The following PPP1R12A variants were observed in gnomAD, a reference collection of about 807,000 sequenced individuals.
PPP1R12A encodes myosin binding subunit.
Under a neutral mutation model 139.6 loss-of-function variants are expected in PPP1R12A, and 19 were observed. The observed-to-expected ratio is 0.14, with a 90% CI of 0.09 to 0.20. The LOEUF (loss-of-function observed/expected upper bound fraction) is 0.20, where lower values mean the gene tolerates loss of function less well. PPP1R12A is among the 10% of genes least tolerant of loss of function. PPP1R12A has a pLI of 1.00. For synonymous variants in PPP1R12A, 427 were observed against 420.6 expected (o/e 1.02, Z -0.19); for missense variants, 925 against 1,211.5 (o/e 0.76, Z 3.51).
At chr12:79,887,458 G>A (rs1321332433) in intron 1 of PPP1R12A, among the ~76,000 whole-genome samples, 1 of 151,984 alleles carries the variant, frequency 6.6e-6, no homozygotes, top group Non-Finnish European at 1.5e-5. Flanking sequence ...AGATAAGCAA[G>A]TAAGTAGAAA....
chr12:79,907,791 G>A (rs928911147), intron 1 of PPP1R12A, among the ~76,000 whole-genome samples: 2 of 152,046 alleles, frequency 1.3e-5, no homozygotes, highest in African/African-American at 4.8e-5. Context: ...CCAGCTACTC[G>A]GGAGGCTGAG....
intron 1 of PPP1R12A, among the ~76,000 whole-genome samples, chr12:79,931,540 G>C (rs1030153049): frequency 8.5e-5 from 13 of 152,124 alleles, no homozygotes; most frequent in Non-Finnish European, 1.3e-4. Flanking sequence ...ATGCACACCA[G>C]TATCAGTAAG....
intron 19 of PPP1R12A, among the ~76,000 whole-genome samples, chr12:79,791,535 C>T (rs2137008886): frequency 6.6e-6 from 1 of 152,174 alleles, no homozygotes; most frequent in African/African-American, 2.4e-5. Context: ...CCTATGTTGC[C>T]CAGGTTGGTC....
At chr12:79,844,746 C>T (rs893702986) in intron 3 of PPP1R12A, among the ~76,000 whole-genome samples, 3 of 152,198 alleles carry the variant, frequency 2.0e-5, no homozygotes, top group African/African-American at 7.2e-5. Context: ...CAATGGCTCA[C>T]AAGGCCTTAA....
chr12:79,925,244 T>C (rs1310859472), intron 1 of PPP1R12A, among the ~76,000 whole-genome samples: 2 of 151,974 alleles, frequency 1.3e-5, no homozygotes, highest in African/African-American at 4.8e-5. Context: ...CAAGTAAAGG[T>C]TGAGTGCATA....
chr12:79,842,575 T>TTGTGTGTGTGTG (rs148792533), intron 3 of PPP1R12A, among the ~76,000 whole-genome samples: 283 of 143,924 alleles, frequency 2.0e-3, no homozygotes, highest in African/African-American at 3.2e-3. Context: ...ATGTGGCACT[T>TTGTGTGTGTGTG]TGTGTGTGTG....
intron 3 of PPP1R12A, among the ~76,000 whole-genome samples, chr12:79,840,356 C>T (rs1019152971): frequency 1.3e-5 from 2 of 152,178 alleles, no homozygotes; most frequent in Non-Finnish European, 2.9e-5. Context: ...CTTAGCTTTT[C>T]GTCTCCAGGG....
In PPP1R12A at chr12:79,845,923, G is replaced by GTA. The variant is rs1355552051; in HGVS notation, c.369-504_369-503insTA. 3.9e-3 allele frequency among the ~76,000 whole-genome samples: 595 copies of GTA among 151,916 alleles called. 1 individual carries two copies. The highest frequency in any genetic ancestry group is 6.3e-3 in the Non-Finnish European group (425 of 67,898). On this transcript the variant is annotated intron_variant, in intron 2 of 24. Coordinates refer to ENST00000450142, the MANE Select transcript of PPP1R12A (RefSeq NM_002480.3). ...GTTAATTTTTAATAATAATTAGAAA[G>GTA]TCTCATAGGATCCACCTCCACTGAG...
chr12:79,799,727 G>A (rs112391921), intron 14 of PPP1R12A, among the ~76,000 whole-genome samples: 1 of 152,078 alleles, frequency 6.6e-6, no homozygotes, highest in Non-Finnish European at 1.5e-5. Context: ...AAGTTAAGTA[G>A]GGCTGGGTGT....
chr12:79,871,640 T>C (rs1421305405), intron 2 of PPP1R12A, among the ~76,000 whole-genome samples: 1 of 152,148 alleles, frequency 6.6e-6, no homozygotes, highest in Admixed American at 6.5e-5. Flanking sequence ...TCCATATCAA[T>C]TAACTCCAGA....
intron 1 of PPP1R12A, among the ~76,000 whole-genome samples, chr12:79,894,127 C>T (rs1011797665): frequency 2.0e-5 from 3 of 152,162 alleles, no homozygotes; most frequent in Non-Finnish European, 2.9e-5. Flanking sequence ...AGTGACATAA[C>T]ATAATGAGAC....
At chr12:79,792,285 T>C (rs7961195) in intron 19 of PPP1R12A, among the ~76,000 whole-genome samples, 13,578 of 152,218 alleles carry the variant, frequency 0.089, 1,559 homozygotes, top group African/African-American at 0.27. Context: ...ATGGCCCATG[T>C]TGGTAGCAAA....
At position 79,844,031 on chromosome 12, in the gene PPP1R12A, T is replaced by C. The variant is rs1436684995; in HGVS notation, c.487+1271A>G. On this transcript the variant is annotated intron_variant, in intron 3 of 24. Transcript: ENST00000450142. The stretch of plus-strand genomic sequence containing the variant: ...ATCATATTTTATATATACATACATA[T>C]ATATACACACACACAGCTTTATTAA... Among the ~76,000 whole-genome samples, 3 of 152,122 alleles carry C rather than the reference T, an allele frequency of 2.0e-5. No individual in the cohort carries two copies. The East Asian group carries it at 5.8e-4, about 29-fold the overall frequency.
At chr12:79,796,755 A>G (rs1270023919) in intron 17 of PPP1R12A, 27 bp downstream of exon 17, 2 of 1,541,986 alleles carry the variant, frequency 1.3e-6, no homozygotes, top group Admixed American at 1.8e-5. Context: ...AAGAAAGCAA[A>G]GTGTTTTCAA....
At chr12:79,829,225 G>A (rs1294935667) in intron 4 of PPP1R12A, among the ~76,000 whole-genome samples, 1 of 152,066 alleles carries the variant, frequency 6.6e-6, no homozygotes, top group Non-Finnish European at 1.5e-5. Flanking sequence ...TCTATAAACT[G>A]CACATAGCAT....
At chr12:79,910,334 G>T (rs1351782690) in intron 1 of PPP1R12A, among the ~76,000 whole-genome samples, 1 of 151,876 alleles carries the variant, frequency 6.6e-6, no homozygotes, top group Non-Finnish European at 1.5e-5. Flanking sequence ...ACAAAAATTA[G>T]CGGGGCTTGG....
chr12:79,918,929 A>G (rs1283234686), intron 1 of PPP1R12A, among the ~76,000 whole-genome samples: 3 of 152,102 alleles, frequency 2.0e-5, no homozygotes. Context: ...CAGCCTGGCC[A>G]ACACGGCGAA....
chr12:79,867,835 T>TC (rs890608538), intron 2 of PPP1R12A, among the ~76,000 whole-genome samples: 1 of 152,016 alleles, frequency 6.6e-6, no homozygotes, highest in Non-Finnish European at 1.5e-5. Context: ...TAAAGGGCTT[T>TC]CCCCCCTTTG....
intron 1 of PPP1R12A, among the ~76,000 whole-genome samples, chr12:79,901,662 G>C (rs1885652164): frequency 6.6e-6 from 1 of 152,126 alleles, no homozygotes; most frequent in Non-Finnish European, 1.5e-5. Context: ...AAGATCCAAA[G>C]AGAAGTTACT....
Sources: gnomAD v4.1 joint callset for allele counts (sites outside exome capture counted in the v4.1 genomes callset) on GRCh38, gnomAD v4.1.1 for gene constraint, MANE v1.5 for transcripts, NCBI Gene and HGNC (gene_info 2026-07-23, HGNC 2026-07-21) for gene names.